Variants in SYNE2 observed in about 807,000 individuals in gnomAD.
SYNE2 encodes the protein nesprin-2.
SYNE2 carries 431 observed loss-of-function variants against 856.3 expected under a neutral mutation model. That is an observed-to-expected ratio of 0.50 (90% confidence interval 0.47 to 0.55). The LOEUF (loss-of-function observed/expected upper bound fraction) is 0.55. Ranked by LOEUF, SYNE2 falls within the 20% of genes least tolerant of loss-of-function variation. SYNE2 has a pLI of 0.00. For missense variants in SYNE2, 8,129 were observed against 8,023.2 expected, an observed-to-expected ratio of 1.01 and a Z score of -0.50; for synonymous variants, 2,923 against 2,872.3, an observed-to-expected ratio of 1.02 and a Z score of -0.56.
At chr14:64,014,929 TTATATATATA>T (rs372523173) in intron 32 of SYNE2, among the ~76,000 whole-genome samples, 4,972 of 78,338 alleles carry the variant, frequency 0.063, 193 homozygotes, top group Middle Eastern at 0.12. Flanking sequence ...GTATAATTCC[TTATATATATA>T]TATATATATA....
intron 23 of SYNE2, 138 bp from the exon 24 acceptor site, chr14:63,996,809 C>A: frequency 2.5e-6 from 2 of 802,750 alleles, no homozygotes; most frequent in Non-Finnish European, 2.1e-6. Flanking sequence ...TTTTCTCTAG[C>A]GCCTATTGTC....
chr14:63,800,028 T>C (rs1220572825), intron 1 of SYNE2, among the ~76,000 whole-genome samples: 2 of 152,152 alleles, frequency 1.3e-5, no homozygotes, highest in East Asian at 3.9e-4. Flanking sequence ...AGAATGACAC[T>C]TTTAAAATAA....
At chr14:64,175,709 G>A (rs190490580) in intron 95 of SYNE2, among the ~76,000 whole-genome samples, 3 of 152,088 alleles carry the variant, frequency 2.0e-5, no homozygotes, top group Admixed American at 1.3e-4. Context: ...ATGTCAAACT[G>A]TCTATTTTTA....
At chr14:64,058,331 A>G (rs1450658490) in intron 49 of SYNE2, among the ~76,000 whole-genome samples, 1 of 152,062 alleles carries the variant, frequency 6.6e-6, no homozygotes, top group African/African-American at 2.4e-5. Flanking sequence ...ATTTTTCTGG[A>G]TGAAGATATA....
chr14:63,871,600 T>A (rs1839209024), intron 1 of SYNE2, among the ~76,000 whole-genome samples: 1 of 101,228 alleles, frequency 9.9e-6, no homozygotes. Context: ...TTAAAAGAGA[T>A]GTCATTTTTT....
intron 84 of SYNE2, 145 bp downstream of exon 84, chr14:64,146,368 A>G (rs1271980202): frequency 6.7e-6 from 5 of 746,038 alleles, no homozygotes; most frequent in Non-Finnish European, 8.0e-6. Flanking sequence ...CAATTAGATA[A>G]TGACCCATGG....
intron 1 of SYNE2, among the ~76,000 whole-genome samples, chr14:63,825,568 A>T (rs1292440287): frequency 6.6e-6 from 1 of 152,148 alleles, no homozygotes; most frequent in Non-Finnish European, 1.5e-5. Flanking sequence ...AATGGAAACT[A>T]CAAAACATTA....
chr14:63,869,579 T>C (rs571504759), intron 1 of SYNE2, among the ~76,000 whole-genome samples: 4 of 134,180 alleles, frequency 3.0e-5, no homozygotes, highest in Non-Finnish European at 6.1e-5. Context: ...GAGGTTGCAG[T>C]GAGCTGAGAT....
At chr14:64,184,936 G>A (rs1010958509) in intron 96 of SYNE2, among the ~76,000 whole-genome samples, 1 of 152,112 alleles carries the variant, frequency 6.6e-6, no homozygotes, top group Non-Finnish European at 1.5e-5. Context: ...ATATTGTTAG[G>A]GCCTTTCACA....
At chr14:63,943,156 T>C (rs1008612433) in intron 6 of SYNE2, among the ~76,000 whole-genome samples, 3 of 152,234 alleles carry the variant, frequency 2.0e-5, no homozygotes, top group African/African-American at 7.2e-5. Context: ...CCTATCTGAC[T>C]GTGAATAATC....
intron 96 of SYNE2, among the ~76,000 whole-genome samples, chr14:64,184,249 C>T (rs1256068978): frequency 2.0e-5 from 3 of 151,876 alleles, no homozygotes; most frequent in East Asian, 1.9e-4. Context: ...GCACTGAATC[C>T]GTGAGCAGTG....
rs532253989 is a variant in SYNE2 at position 63,842,898 on chromosome 14, T to C, written c.-304-9603T>C. Among the ~76,000 whole-genome samples, 80 of 152,344 alleles carry C rather than the reference T, an allele frequency of 5.3e-4. 2 individuals carry two copies. In the South Asian group the frequency reaches 0.015, roughly 28 times the overall value. On this transcript the variant is annotated intron_variant, in intron 1 of 23. Coordinates refer to the SYNE2 transcript ENST00000674003. ...TTTTCAGGTTTTTCTCATATAAGTCTGCATACTTTCTGTTACGTTTACTCT... is the reference window on the plus strand; with the variant it reads ...TTTTCAGGTTTTTCTCATATAAGTCCGCATACTTTCTGTTACGTTTACTCT...
intron 70 of SYNE2, 88 bp downstream of exon 70, chr14:64,122,515 A>G (rs1466438623): frequency 6.3e-7 from 1 of 1,577,360 alleles, no homozygotes; most frequent in South Asian, 1.1e-5. Flanking sequence ...TATTCTCCAG[A>G]AAGCAAAGTT....
At chr14:64,184,314 C>T (rs1313280416) in intron 96 of SYNE2, among the ~76,000 whole-genome samples, 1 of 140,472 alleles carries the variant, frequency 7.1e-6, no homozygotes. Context: ...CAGAGAGCCA[C>T]ACTGTATGCA....
At chr14:64,190,539 C>T in intron 99 of SYNE2, 1 of 682,576 alleles carries the variant, frequency 1.5e-6, no homozygotes, top group Non-Finnish European at 2.6e-6. Flanking sequence ...TTTAGAAATT[C>T]TGCCTCTGTG....
At position 64,111,076 on chromosome 14, in the gene SYNE2, G is replaced by A. The variant is rs150368203; in HGVS notation, c.12610-2265G>A. 4.0e-4 allele frequency among the ~76,000 whole-genome samples: 61 copies of A among 151,994 alleles called. 4 individuals carry two copies. The East Asian group carries it at 6.6e-3, about 16-fold the overall frequency. ...ACTCAATACTGTCATTAAAAAAAGT[G>A]TGTGGAGGGCTGGGTGTGGTGGCTC... On this transcript the variant is annotated intron_variant, in intron 65 of 115. Coordinates refer to ENST00000555002, the MANE Select transcript of SYNE2 (RefSeq NM_182914.3).
intron 108 of SYNE2, 45 bp from the exon 109 acceptor site, chr14:64,218,353 T>C (rs1279070485): frequency 9.8e-6 from 15 of 1,537,810 alleles, no homozygotes; most frequent in Non-Finnish European, 1.3e-5. Flanking sequence ...TCTTCAGATA[T>C]CCTTCATATC....
intron 1 of SYNE2, among the ~76,000 whole-genome samples, chr14:63,822,266 A>T (rs1889250355): frequency 6.6e-6 from 1 of 152,152 alleles, no homozygotes; most frequent in South Asian, 2.1e-4. Context: ...CAGAAAGAAC[A>T]GTGAGTTTTG....
At chr14:64,038,415 A>G (rs1016131236) in intron 45 of SYNE2, among the ~76,000 whole-genome samples, 21 of 152,198 alleles carry the variant, frequency 1.4e-4, no homozygotes, top group African/African-American at 5.1e-4. Context: ...CCCGGCAGAG[A>G]CACTCCTCAC....
Sources: allele counts gnomAD v4.1 joint callset (sites outside exome capture counted in the v4.1 genomes callset), GRCh38; gene constraint gnomAD v4.1.1; transcripts MANE v1.5; gene names NCBI Gene and HGNC (gene_info 2026-07-23, HGNC 2026-07-21).